The following TENM3 variants were observed in gnomAD, a reference collection of about 807,000 sequenced individuals.
TENM3 encodes teneurin transmembrane protein 3, also known as teneurin-3.
TENM3 carries 63 observed loss-of-function variants against 255.1 expected under a neutral mutation model. The observed-to-expected ratio is 0.25, with a 90% confidence interval of 0.20 to 0.30. TENM3 has a LOEUF of 0.30. Among genes scored for constraint, TENM3 ranks in the 10% least tolerant of loss-of-function variants. TENM3 has a pLI of 1.00. For missense variants in TENM3, 2,929 were observed against 3,461.1 expected, an observed-to-expected ratio of 0.85 and a Z score of 3.86; for synonymous variants, 1,306 against 1,322.3, an observed-to-expected ratio of 0.99 and a Z score of 0.27.
rs1766249718 is a variant in TENM3 at position 182,793,331 on chromosome 4, G to A, written c.6659G>A (p.Gly2220Asp). The change falls in exon 26 of 28, where the codon GGC (glycine) becomes GAC (aspartate). Residue 2220 changes from glycine (G) to aspartate (D), a missense_variant. Gly to Asp is a moderately conservative substitution (Grantham distance 94). Coordinates refer to ENST00000511685, the MANE Select transcript of TENM3 (RefSeq NM_001080477.4). The surrounding 1 kb of genome is among the most constrained non-coding windows in gnomAD (Gnocchi z 5.7). Reference protein sequence around the residue: ...KGLLTRVYSKGSGWTVIYRYD... With the variant: ...KGLLTRVYSKDSGWTVIYRYD... ...CTTCTAACTCGAGTTTACAGTAAAG[G>A]CAGTGGCTGGACAGTGATCTACCGT... is the stretch of plus-strand genomic sequence containing the variant. The A allele has an allele frequency of 6.2e-7, 1 of 1,613,642 alleles. No individual in the cohort carries two copies. The highest frequency in any genetic ancestry group is 8.5e-7 in the Non-Finnish European group (1 of 1,179,722).
At chr4:182,445,639 G>C (rs1772854888) in intron 3 of TENM3, among the ~76,000 whole-genome samples, 1 of 151,658 alleles carries the variant, frequency 6.6e-6, no homozygotes, top group Non-Finnish European at 1.5e-5. Context: ...AATTTGCTTT[G>C]ATTTGGTTTG....
upstream of TENM3, chr4:182,141,820 AGAAAAAAGAGCTG>A (rs932292900): frequency 6.6e-5 from 10 of 152,220 alleles, no homozygotes; most frequent in African/African-American, 2.2e-4. Context: ...TGAGGATTCT[AGAAAAAAGAGCTG>A]GAAAAAAGAA....
chr4:182,117,580 C>T, the TENM3 span, among the ~76,000 whole-genome samples: 1 of 152,236 alleles, frequency 6.6e-6, no homozygotes, highest in East Asian at 1.9e-4. Flanking sequence ...ATTGCTTTTG[C>T]TCCTTTGTTG....
intron 3 of TENM3, among the ~76,000 whole-genome samples, chr4:182,589,365 A>G (rs1746362776): frequency 2.0e-5 from 3 of 151,946 alleles, no homozygotes; most frequent in Non-Finnish European, 1.5e-5. Context: ...TTCAATGACT[A>G]CATTTTTCCT....
rs1024628800 is a variant in TENM3 at position 182,384,757 on chromosome 4, C to T, written c.511+37828C>T. Reference sequence around the variant, plus strand: ...CTTGCTCCCTCCTCTAATTACTCTTCTTTTTTTCAGACTCCTTTCATGAGT... The same window carrying T: ...CTTGCTCCCTCCTCTAATTACTCTTTTTTTTTTCAGACTCCTTTCATGAGT... On this transcript the variant is annotated intron_variant, in intron 3 of 27. Transcript: ENST00000511685. 3.4e-4 allele frequency among the ~76,000 whole-genome samples: 51 copies of T among 152,178 alleles called. No individual in the cohort carries two copies. In the East Asian group the frequency reaches 4.3e-3, roughly 13 times the overall value.
At chr4:182,140,781 C>T (rs1347238703), upstream of TENM3, among the ~76,000 whole-genome samples, 2 of 152,154 alleles carry the variant, frequency 1.3e-5, no homozygotes, top group Non-Finnish European at 2.9e-5. Context: ...CGGACAGACC[C>T]CAAAGGGGAG....
At chr4:182,378,276 A>G (rs1309014547) in intron 3 of TENM3, among the ~76,000 whole-genome samples, 2 of 152,248 alleles carry the variant, frequency 1.3e-5, no homozygotes, top group African/African-American at 2.4e-5. Flanking sequence ...GACTGGGGAT[A>G]TGGTGATGAA....
intron 3 of TENM3, among the ~76,000 whole-genome samples, chr4:182,355,675 G>A (rs933697924): frequency 6.6e-6 from 1 of 152,074 alleles, no homozygotes; most frequent in African/African-American, 2.4e-5. Flanking sequence ...AAACCAGAAA[G>A]GAAAGGGAGA....
the TENM3 span, among the ~76,000 whole-genome samples, chr4:181,596,416 T>G: frequency 6.6e-6 from 1 of 152,138 alleles, no homozygotes; most frequent in South Asian, 2.1e-4. Flanking sequence ...CCTGAACATC[T>G]GGCAACACTA....
At chr4:182,061,331 T>A in the TENM3 span, among the ~76,000 whole-genome samples, 1 of 152,170 alleles carries the variant, frequency 6.6e-6, no homozygotes, top group Non-Finnish European at 1.5e-5. Context: ...TCCATCTAGC[T>A]GCTTGCTTTT....
chr4:182,501,616 A>G (rs575583417), intron 3 of TENM3, among the ~76,000 whole-genome samples: 21 of 152,236 alleles, frequency 1.4e-4, no homozygotes, highest in African/African-American at 4.8e-4. Flanking sequence ...CTACTCAGCA[A>G]TTTTAGCTGT....
intron 3 of TENM3, among the ~76,000 whole-genome samples, chr4:182,499,584 C>CT (rs1171949441): frequency 3.3e-5 from 5 of 152,250 alleles, no homozygotes; most frequent in South Asian, 4.2e-4. Context: ...TTTCCTGTTC[C>CT]TTTTTTGTGA....
the TENM3 span, among the ~76,000 whole-genome samples, chr4:181,643,473 A>G: frequency 4.1e-4 from 63 of 152,138 alleles, no homozygotes; most frequent in Non-Finnish European, 6.5e-4. Context: ...CTATTTGAAT[A>G]CCCTTTATTT....
chr4:182,109,839 G>T, the TENM3 span, among the ~76,000 whole-genome samples: 2 of 152,174 alleles, frequency 1.3e-5, no homozygotes, highest in Admixed American at 6.5e-5. Context: ...TCATGTAATT[G>T]CATCTTCAAG....
intron 1 of TENM3, among the ~76,000 whole-genome samples, chr4:182,288,820 A>C (rs1760916169): frequency 6.6e-6 from 1 of 152,192 alleles, no homozygotes; most frequent in Non-Finnish European, 1.5e-5. Context: ...GGAATACCAG[A>C]GCGTACAAAG....
At chr4:181,536,102 T>A in the TENM3 span, among the ~76,000 whole-genome samples, 1 of 152,118 alleles carries the variant, frequency 6.6e-6, no homozygotes, top group Non-Finnish European at 1.5e-5. Flanking sequence ...ACTTGTTTGC[T>A]ACTGAATCCC....
At chr4:181,595,861 G>T in the TENM3 span, among the ~76,000 whole-genome samples, 1 of 151,992 alleles carries the variant, frequency 6.6e-6, no homozygotes, top group Admixed American at 6.6e-5. Context: ...CTGAATCCAC[G>T]TGTCATTCAG....
chr4:181,733,924 A>G, the TENM3 span, among the ~76,000 whole-genome samples: 1 of 152,200 alleles, frequency 6.6e-6, no homozygotes, highest in Non-Finnish European at 1.5e-5. Context: ...CTTTGAAAGA[A>G]AAAGTTCTTT....
At chr4:182,017,841 C>T in the TENM3 span, among the ~76,000 whole-genome samples, 25,765 of 152,042 alleles carry the variant, frequency 0.17, 2,646 homozygotes, top group Non-Finnish European at 0.23. Context: ...TTAACTAAGA[C>T]GATTTTCTTT....
Sources: allele counts gnomAD v4.1 joint callset (sites outside exome capture counted in the v4.1 genomes callset), GRCh38; gene constraint gnomAD v4.1.1; non-coding constraint Gnocchi (gnomAD v3.1); transcripts MANE v1.5; gene names NCBI Gene and HGNC (gene_info 2026-07-23, HGNC 2026-07-21).